The following NLRP12 variants were observed in gnomAD, a reference collection of about 807,000 sequenced individuals.
NLRP12 encodes the protein NLR family pyrin domain containing 12, also known as NACHT, LRR and PYD domains-containing protein 12.
In NLRP12, 108 loss-of-function variants were observed where a neutral mutation model predicts 91.2. That is an observed-to-expected ratio of 1.18 (90% CI 1.01 to 1.39). The LOEUF is 1.39. Ranked by LOEUF, NLRP12 falls within the 40% of genes most tolerant of loss-of-function variation. The pLI, the probability that NLRP12 is intolerant of heterozygous loss-of-function variation, is 0.00. For synonymous variants in NLRP12, 613 were observed against 566.7 expected, an observed-to-expected ratio of 1.08 and a Z score of -1.16; for missense variants, 1,530 against 1,352.7, an observed-to-expected ratio of 1.13 and a Z score of -2.06.
chr19:53,795,740 G>T, intron 9 of NLRP12, 119 bp downstream of exon 9: 1 of 874,228 alleles, frequency 1.1e-6, no homozygotes, highest in Non-Finnish European at 1.9e-6. Flanking sequence ...GGCCTCATCT[G>T]TATGCCCCCT....
intron 1 of NLRP12, among the ~76,000 whole-genome samples, chr19:53,823,364 T>C (rs868388723): frequency 2.3e-4 from 31 of 136,248 alleles, no homozygotes; most frequent in African/African-American, 6.7e-4. Flanking sequence ...ATTTAATATA[T>C]ATTTAATAAT....
At chr19:53,813,979 C>T (rs1349591708) in intron 2 of NLRP12, among the ~76,000 whole-genome samples, 3 of 151,942 alleles carry the variant, frequency 2.0e-5, no homozygotes, top group East Asian at 3.9e-4. Context: ...CTGGTGAACC[C>T]ACTCTTATTC....
intron 1 of NLRP12, among the ~76,000 whole-genome samples, chr19:53,821,212 A>G (rs1431290696): frequency 6.6e-6 from 1 of 151,120 alleles, no homozygotes; most frequent in East Asian, 2.0e-4. Flanking sequence ...ATTTTTTTGT[A>G]TTTTTAGTAG....
intron 1 of NLRP12, among the ~76,000 whole-genome samples, chr19:53,821,308 G>T (rs1038738448): frequency 1.3e-5 from 2 of 151,750 alleles, no homozygotes; most frequent in African/African-American, 4.8e-5. Flanking sequence ...AAAGTGCTGG[G>T]ATTACAGGCG....
chr19:53,804,807 C>A (rs1030006641), intron 5 of NLRP12, among the ~76,000 whole-genome samples: 1 of 151,068 alleles, frequency 6.6e-6, no homozygotes, highest in Non-Finnish European at 1.5e-5. Flanking sequence ...GTGGGTGGAT[C>A]ATTTGAGGTC....
intron 5 of NLRP12, 108 bp from the exon 6 acceptor site, chr19:53,804,230 T>C (rs1461958765): frequency 3.9e-6 from 5 of 1,287,304 alleles, no homozygotes; most frequent in Non-Finnish European, 4.4e-6. Context: ...TGTTGCTCTG[T>C]CACCCAGGGT....
chr19:53,796,738 T>G (rs2091769317), intron 8 of NLRP12, among the ~76,000 whole-genome samples: 1 of 151,694 alleles, frequency 6.6e-6, no homozygotes, highest in Non-Finnish European at 1.5e-5. Flanking sequence ...GGCTCACGCC[T>G]GTAATTCCAG....
intron 2 of NLRP12, among the ~76,000 whole-genome samples, chr19:53,811,635 G>A (rs974101737): frequency 6.7e-6 from 1 of 149,980 alleles, no homozygotes; most frequent in Non-Finnish European, 1.5e-5. Context: ...GTGCAATGGT[G>A]TGCTCCCTGC....
chr19:53,799,874 G>C (rs1279770660), intron 7 of NLRP12, among the ~76,000 whole-genome samples: 2 of 151,882 alleles, frequency 1.3e-5, no homozygotes, highest in African/African-American at 4.8e-5. Flanking sequence ...GGATTAGAAA[G>C]GGTGTCCAGC....
Position 53,809,674 on chromosome 19 carries a change from AC to A in NLRP12, c.1984del (p.Val662CysfsTer54). 1 of 1,614,042 alleles carries A rather than the reference AC, an allele frequency of 6.2e-7. No individual in the cohort carries two copies. The highest frequency in any genetic ancestry group is 8.5e-7 in the Non-Finnish European group (1 of 1,179,996). On this transcript the variant is annotated frameshift_variant, in exon 3 of 10. Transcript: ENST00000324134. LOFTEE classifies it high-confidence loss of function. ...GTAGGTGGCGCCATACAAGTGCAGC[AC>A]CTGGGCGCTCCTGCAGCGCTTCAGA... ...FCLKRCRSAQ[V>X]LHLYGATYSA...
At position 53,793,906 on chromosome 19, in the gene NLRP12, G is replaced by T; in HGVS notation, c.*143C>A. The T allele has an allele frequency of 1.4e-6, 1 of 732,024 alleles. No homozygotes were observed. The highest frequency in any genetic ancestry group is 1.5e-5 in the South Asian group (1 of 68,360). The allele number at this position is 732,024 out of a possible 1,614,324, so 45.3% of individuals were successfully genotyped here. A position where few individuals can be genotyped will look rare whatever the true frequency, so the allele number is the denominator to read the frequency against. On this transcript the variant is annotated 3_prime_UTR_variant, in exon 10 of 10. Coordinates refer to ENST00000324134, the MANE Select transcript of NLRP12 (RefSeq NM_144687.4). Reference sequence around the variant, plus strand: ...GGCCAGCTCTGTCAAACATTAATTTGATCCCAAGCAGAGGGACTTTTGATC... The same window carrying T: ...GGCCAGCTCTGTCAAACATTAATTTTATCCCAAGCAGAGGGACTTTTGATC...
Position 53,810,858 on chromosome 19 carries a change from G to C in NLRP12, c.801C>G (p.Leu267=). The C allele has an allele frequency of 6.2e-7, 1 of 1,614,098 alleles. No individual in the cohort carries two copies. Among genetic ancestry groups the C allele is most frequent in the Non-Finnish European group, 8.5e-7 (1 of 1,180,028 alleles). The change falls in exon 3 of 10, where the codon CTC becomes CTG. Residue 267 remains leucine, a synonymous_variant. Transcript: ENST00000324134. ...QSATECSMQD[L]IFSCWPEPSA... ...TGGGCTCAGGCCAGCAGCTGAAGATGAGGTCTTGCATGCTGCATTCCGTGG... is the reference window on the plus strand; with the variant it reads ...TGGGCTCAGGCCAGCAGCTGAAGATCAGGTCTTGCATGCTGCATTCCGTGG...
At chr19:53,811,829 T>C (rs1285216256) in intron 2 of NLRP12, among the ~76,000 whole-genome samples, 1 of 152,046 alleles carries the variant, frequency 6.6e-6, no homozygotes, top group Non-Finnish European at 1.5e-5. Flanking sequence ...CCTTCCAAAG[T>C]GCTAGGATTA....
At chr19:53,803,585 GT>G (rs962227871) in intron 6 of NLRP12, 12 of 347,158 alleles carry the variant, frequency 3.5e-5, no homozygotes, top group African/African-American at 2.1e-4. Flanking sequence ...ATTCTACTTT[GT>G]TTTTTGAGAT....
At chr19:53,812,367 C>T (rs938865476) in intron 2 of NLRP12, among the ~76,000 whole-genome samples, 5 of 150,668 alleles carry the variant, frequency 3.3e-5, no homozygotes, top group African/African-American at 7.3e-5. Flanking sequence ...TGTAAGAGAT[C>T]GCCCCACTGC....
At position 53,805,535 on chromosome 19, in the gene NLRP12, T is replaced by TTTC. The variant is rs56049734; in HGVS notation, c.2244-86_2244-85insGAA. ...ATTTTCTTTTGCTTTTTTTTTTTTT[T>TTTC]CTGAGACAGAGTCGCTCTGTCACCC... On this transcript the variant is annotated intron_variant, in intron 4 of 9. Transcript: ENST00000324134. 7 of 1,481,708 alleles carry TTTC rather than the reference T, an allele frequency of 4.7e-6. No homozygotes were observed. The African/African-American group carries it at 7.0e-5, about 15-fold the overall frequency. The allele number at this position is 1,481,708 out of a possible 1,614,324, so 91.8% of individuals were successfully genotyped here.
rs759770066 is a variant in NLRP12 at position 53,810,797 on chromosome 19, G to A, written c.862C>T (p.Arg288Cys). ...PLQELIRVPE[R>C]LLFIIDGFDE... ...AAGCCGTCGATGATGAAAAGGAGGC[G>A]CTCGGGAACTCGGATGAGCTCCTGG... is the stretch of plus-strand genomic sequence containing the variant. Residue 288 changes from arginine (R) to cysteine (C), a missense_variant, in exon 3 of 10, where the codon CGC becomes TGC. Physicochemically the swap from Arg to Cys is radical, Grantham distance 180 (BLOSUM62 -3). Transcript: ENST00000324134. The A allele has an allele frequency of 3.7e-6, 6 of 1,614,082 alleles. No homozygotes were observed. Among genetic ancestry groups the A allele is most frequent in the South Asian group, 2.2e-5 (2 of 91,084 alleles).
At chr19:53,804,249 GT>G in intron 5 of NLRP12, 127 bp from the exon 6 acceptor site, 1 of 1,062,944 alleles carries the variant, frequency 9.4e-7, no homozygotes, top group Non-Finnish European at 1.4e-6. Context: ...GTGAAGTTCA[GT>G]GGAGTGATAT....
rs573016063 is a variant in NLRP12 at position 53,811,377 on chromosome 19, G to T, written c.371-89C>A. Reference sequence around the variant, plus strand: ...TAAAGCGCTCCTCATGTGGCTCAAAGAAGGTGTGTGCCTGTAGTTCCAGCT... The same window carrying T: ...TAAAGCGCTCCTCATGTGGCTCAAATAAGGTGTGTGCCTGTAGTTCCAGCT... On this transcript the variant is annotated intron_variant, in intron 2 of 9. Transcript: ENST00000324134. 2.9e-4 allele frequency: 416 copies of T among 1,444,456 alleles called. 10 individuals carry two copies. The South Asian group carries it at 4.6e-3, about 16-fold the overall frequency. 89.5% of individuals were successfully genotyped at this position (1,444,456 alleles called of 1,614,324 possible).
Sources: gnomAD v4.1 joint callset for allele counts (sites outside exome capture counted in the v4.1 genomes callset) on GRCh38, gnomAD v4.1.1 for gene constraint, MANE v1.5 for transcripts, NCBI Gene and HGNC (gene_info 2026-07-23, HGNC 2026-07-21) for gene names.